The following RHBDD1 variants were observed in gnomAD, a reference collection of about 807,000 sequenced individuals.
RHBDD1 encodes rhomboid domain containing 1, also known as rhomboid-related protein 4.
RHBDD1 carries 38 observed loss-of-function variants against 36.3 expected under a neutral mutation model. The ratio of observed to expected loss-of-function variants is 1.05; its 90% CI spans 0.81 to 1.37. The LOEUF (loss-of-function observed/expected upper bound fraction) is 1.37. Ranked by LOEUF, RHBDD1 falls within the 40% of genes most tolerant of loss-of-function variation. RHBDD1 has a pLI of 0.00. For missense variants in RHBDD1, 393 were observed against 377.6 expected (o/e 1.04, Z -0.34); for synonymous variants, 151 against 136.5 (o/e 1.11, Z -0.74).
chr2:226,840,493 C>A (rs1941492560), intron 3 of RHBDD1, among the ~76,000 whole-genome samples: 2 of 152,176 alleles, frequency 1.3e-5, no homozygotes, highest in South Asian at 2.1e-4. Context: ...TGATGCACTG[C>A]ACGCTTTAAC....
At chr2:226,963,451 C>G (rs901541569) in intron 8 of RHBDD1, among the ~76,000 whole-genome samples, 2 of 152,150 alleles carry the variant, frequency 1.3e-5, no homozygotes, top group Non-Finnish European at 2.9e-5. Flanking sequence ...AGTAGATACA[C>G]TGGGCTCTTC....
intron 8 of RHBDD1, among the ~76,000 whole-genome samples, chr2:226,928,898 T>C (rs1949840040): frequency 1.3e-5 from 2 of 151,942 alleles, no homozygotes; most frequent in South Asian, 4.2e-4. Context: ...AACTAGAAAA[T>C]CTAGAGGAAA....
At chr2:226,830,098 T>C in the RHBDD1 span, among the ~76,000 whole-genome samples, 2 of 152,188 alleles carry the variant, frequency 1.3e-5, no homozygotes, top group Non-Finnish European at 2.9e-5. Context: ...TTTCTACATC[T>C]ATGGAGATGA....
At chr2:226,907,272 T>C (rs1346618) in intron 6 of RHBDD1, among the ~76,000 whole-genome samples, 66,212 of 152,074 alleles carry the variant, frequency 0.44, 14,602 homozygotes, top group South Asian at 0.5. Context: ...AAACAAAGCC[T>C]GGACTGAAGT....
intron 5 of RHBDD1, among the ~76,000 whole-genome samples, chr2:226,883,604 T>C (rs1175127894): frequency 6.6e-6 from 1 of 152,194 alleles, no homozygotes; most frequent in African/African-American, 2.4e-5. Flanking sequence ...GATATAATTG[T>C]GGGTGTGTGG....
At chr2:226,847,648 A>G (rs1455318000) in intron 3 of RHBDD1, among the ~76,000 whole-genome samples, 1 of 152,224 alleles carries the variant, frequency 6.6e-6, no homozygotes, top group Non-Finnish European at 1.5e-5. Flanking sequence ...ATGGTGCTTC[A>G]CAACAATATG....
chr2:226,836,949 A>T (rs1346008890), intron 1 of RHBDD1, among the ~76,000 whole-genome samples: 3 of 152,222 alleles, frequency 2.0e-5, no homozygotes, highest in Admixed American at 6.5e-5. Flanking sequence ...AAATAATCCC[A>T]GGACGCTAGG....
chr2:226,841,594 G>A (rs1941640663), intron 3 of RHBDD1, among the ~76,000 whole-genome samples: 1 of 152,106 alleles, frequency 6.6e-6, no homozygotes, highest in Non-Finnish European at 1.5e-5. Flanking sequence ...TGAGGATAAT[G>A]GCTTCTAGCT....
chr2:226,859,669 T>C (rs1943664177), intron 3 of RHBDD1, among the ~76,000 whole-genome samples: 1 of 152,184 alleles, frequency 6.6e-6, no homozygotes, highest in African/African-American at 2.4e-5. Context: ...CTGGAGCTAC[T>C]GATTTGGGAG....
the RHBDD1 span, among the ~76,000 whole-genome samples, chr2:226,821,559 A>C: frequency 6.6e-6 from 1 of 151,472 alleles, no homozygotes. Flanking sequence ...TAGGAGTTTT[A>C]TTTGTTCAGA....
intron 8 of RHBDD1, among the ~76,000 whole-genome samples, chr2:226,961,002 A>C (rs1325820905): frequency 6.6e-6 from 1 of 152,230 alleles, no homozygotes; most frequent in Admixed American, 6.5e-5. Flanking sequence ...CTGCCTATTA[A>C]GAATTTCATT....
intron 8 of RHBDD1, among the ~76,000 whole-genome samples, chr2:226,990,261 T>C (rs1234143156): frequency 1.3e-5 from 2 of 152,224 alleles, no homozygotes; most frequent in Admixed American, 6.5e-5. Flanking sequence ...GGGAGGCATT[T>C]TGGGAGCTTT....
intron 3 of RHBDD1, among the ~76,000 whole-genome samples, chr2:226,845,480 A>T (rs998216687): frequency 6.6e-6 from 1 of 152,238 alleles, no homozygotes; most frequent in Admixed American, 6.5e-5. Context: ...CTGCTGTCCT[A>T]TGCTGCATAT....
the RHBDD1 span, among the ~76,000 whole-genome samples, chr2:226,803,234 A>G: frequency 6.6e-6 from 1 of 152,204 alleles, no homozygotes; most frequent in Admixed American, 6.5e-5. Context: ...AATATGAAAT[A>G]GATAAAAAGA....
At chr2:226,832,990 AAAAAAG>A (rs1304514679), upstream of RHBDD1, among the ~76,000 whole-genome samples, 2 of 152,230 alleles carry the variant, frequency 1.3e-5, no homozygotes, top group African/African-American at 4.8e-5. Context: ...CAAAAAAAAG[AAAAAAG>A]AAAAAGAAAT....
At chr2:226,904,595 G>A (rs758605095) in intron 5 of RHBDD1, among the ~76,000 whole-genome samples, 3 of 152,206 alleles carry the variant, frequency 2.0e-5, no homozygotes, top group Non-Finnish European at 4.4e-5. Flanking sequence ...CTGGGCAATA[G>A]TGTCATTTAG....
chr2:226,965,840 T>TA (rs953365070), intron 8 of RHBDD1, among the ~76,000 whole-genome samples: 2 of 151,608 alleles, frequency 1.3e-5, no homozygotes, highest in Admixed American at 1.3e-4. Context: ...AGAGAGGACT[T>TA]ACAGCATAGT....
intron 5 of RHBDD1, among the ~76,000 whole-genome samples, chr2:226,883,593 G>A (rs147100796): frequency 1.4e-3 from 208 of 152,246 alleles, no homozygotes; most frequent in Non-Finnish European, 1.8e-3. Flanking sequence ...CATCATGCTG[G>A]GATATAATTG....
At chr2:226,913,792 T>C (rs1310960178) in intron 7 of RHBDD1, among the ~76,000 whole-genome samples, 3 of 152,210 alleles carry the variant, frequency 2.0e-5, no homozygotes, top group Non-Finnish European at 2.9e-5. Flanking sequence ...CTGCCCCTTA[T>C]TGTACAGAGC....
Sources: allele counts gnomAD v4.1 joint callset (sites outside exome capture counted in the v4.1 genomes callset), GRCh38; gene constraint gnomAD v4.1.1; transcripts MANE v1.5; gene names NCBI Gene and HGNC (gene_info 2026-07-23, HGNC 2026-07-21).